EXT2: variants seen among roughly 807,000 people sequenced by gnomAD.
EXT2 encodes the protein exostosin-2.
Under a neutral mutation model 81.6 loss-of-function variants are expected in EXT2, and 53 were observed. That is an observed-to-expected ratio of 0.65 (90% CI 0.52 to 0.82). The LOEUF is 0.82. EXT2 is among the 40% of genes least tolerant of loss of function. The probability of loss-of-function intolerance (pLI) is 0.00; values close to 1 mark genes in which losing one functional copy is unlikely to be tolerated. For synonymous variants in EXT2, 320 were observed against 340.0 expected, an observed-to-expected ratio of 0.94 and a Z score of 0.65; for missense variants, 774 against 910.2, an observed-to-expected ratio of 0.85 and a Z score of 1.93.
intron 13 of EXT2, among the ~76,000 whole-genome samples, chr11:44,236,775 G>T (rs1955970263): frequency 6.6e-6 from 1 of 152,248 alleles, no homozygotes; most frequent in African/African-American, 2.4e-5. Flanking sequence ...ACCCACCAGA[G>T]ACAAATTACC....
chr11:44,179,852 T>C (rs913758121), intron 8 of EXT2, among the ~76,000 whole-genome samples: 3 of 152,178 alleles, frequency 2.0e-5, no homozygotes, highest in Non-Finnish European at 4.4e-5. Context: ...TCTTGACTTT[T>C]GTGTCTCCCA....
rs936395994 is a variant in EXT2 at position 44,208,279 on chromosome 11, A to C, written c.1662+1320A>C. Among the ~76,000 whole-genome samples, 5 of 151,840 alleles carry C rather than the reference A, an allele frequency of 3.3e-5. No individual in the cohort carries two copies. In the South Asian group the frequency reaches 8.3e-4, roughly 25 times the overall value. On this transcript the variant is annotated intron_variant, in intron 10 of 13. Coordinates refer to ENST00000533608, the MANE Select transcript of EXT2 (RefSeq NM_207122.2). ...CTACCCATGTGTTTATTTTTGTGGC[A>C]AAAGAGAGGTGGAAAAAAGGAATGT...
intron 4 of EXT2, among the ~76,000 whole-genome samples, chr11:44,115,414 T>TGAG (rs1212621534): frequency 5.9e-5 from 9 of 152,124 alleles, no homozygotes; most frequent in Non-Finnish European, 1.2e-4. Context: ...TTTTAGTATG[T>TGAG]GAGGGAGTAA....
intron 10 of EXT2, among the ~76,000 whole-genome samples, chr11:44,231,408 G>A (rs11037908): frequency 0.12 from 18,578 of 152,204 alleles, 1,324 homozygotes; most frequent in South Asian, 0.19. Context: ...GGACGTGTTA[G>A]GTTTGTTTAT....
intron 10 of EXT2, among the ~76,000 whole-genome samples, chr11:44,228,947 G>A (rs1955867569): frequency 7.0e-6 from 1 of 143,260 alleles, no homozygotes; most frequent in African/African-American, 2.5e-5. Context: ...AGAGAGCTGT[G>A]TTGACTCAAA....
intron 1 of EXT2, chr11:44,096,163 C>A: frequency 7.8e-7 from 1 of 1,288,598 alleles, no homozygotes; most frequent in Admixed American, 2.0e-5. Context: ...TCCTTTCCTC[C>A]TGCGACCCGC....
In EXT2 at chr11:44,108,189, G is replaced by A. The variant is rs1954089514; in HGVS notation, c.477G>A (p.Val159=). Residue 159 remains valine (V), a synonymous_variant, in exon 2 of 14, where the codon GTG becomes GTA. Transcript: ENST00000533608. ...RACLFVPSID[V]LNQNTLRIKE... is the part of the protein sequence containing the mutation. ...GTCTGTTTGTTCCCTCCATCGATGT[G>A]CTTAACCAGAACACACTGCGCATCA... is the stretch of plus-strand genomic sequence containing the variant. The A allele has an allele frequency of 6.2e-7, 1 of 1,613,674 alleles. No individual in the cohort carries two copies. The highest frequency in any genetic ancestry group is 8.5e-7 in the Non-Finnish European group (1 of 1,180,036).
At chr11:44,101,839 G>A (rs1953986803) in intron 1 of EXT2, among the ~76,000 whole-genome samples, 1 of 151,990 alleles carries the variant, frequency 6.6e-6, no homozygotes, top group Non-Finnish European at 1.5e-5. Flanking sequence ...TGGGCAGCAA[G>A]GCTGGACTCA....
intron 1 of EXT2, among the ~76,000 whole-genome samples, chr11:44,096,702 A>G (rs1026280176): frequency 2.0e-5 from 3 of 152,202 alleles, no homozygotes; most frequent in African/African-American, 4.8e-5. Context: ...GCTTTGTTAC[A>G]TTCGGTGGGA....
At chr11:44,170,259 T>C (rs1481705886) in intron 7 of EXT2, among the ~76,000 whole-genome samples, 1 of 151,988 alleles carries the variant, frequency 6.6e-6, no homozygotes. Flanking sequence ...ACAAAGGAAA[T>C]TAGAACATTG....
chr11:44,144,952 G>A (rs1280293467), intron 7 of EXT2, among the ~76,000 whole-genome samples: 1 of 152,138 alleles, frequency 6.6e-6, no homozygotes. Context: ...TGGTGTAGTG[G>A]AAGTGTCATG....
At chr11:44,154,393 G>A (rs1172615786) in intron 7 of EXT2, among the ~76,000 whole-genome samples, 1 of 151,944 alleles carries the variant, frequency 6.6e-6, no homozygotes, top group Admixed American at 6.6e-5. Context: ...ACATGCCAAA[G>A]TTGTCTTTCT....
intron 7 of EXT2, among the ~76,000 whole-genome samples, chr11:44,165,079 C>T (rs1398749657): frequency 6.6e-6 from 1 of 151,922 alleles, no homozygotes; most frequent in Non-Finnish European, 1.5e-5. Flanking sequence ...GGGGTTTCAC[C>T]GTTTTAGCCG....
chr11:44,168,337 T>C (rs1320378293), intron 7 of EXT2, among the ~76,000 whole-genome samples: 2 of 152,170 alleles, frequency 1.3e-5, no homozygotes, highest in Admixed American at 6.5e-5. Flanking sequence ...GAATAAGAGA[T>C]ACATGAGATA....
chr11:44,174,589 A>G (rs952073746), intron 8 of EXT2, among the ~76,000 whole-genome samples: 2 of 151,884 alleles, frequency 1.3e-5, no homozygotes, highest in African/African-American at 2.4e-5. Flanking sequence ...TAATTTTGCA[A>G]CTATTCTGTT....
At chr11:44,169,012 G>C (rs1341457111) in intron 7 of EXT2, among the ~76,000 whole-genome samples, 1 of 152,082 alleles carries the variant, frequency 6.6e-6, no homozygotes. Context: ...ACAAGATCAG[G>C]AGTTTGAGAC....
chr11:44,173,152 C>T (rs1013311976), intron 8 of EXT2, among the ~76,000 whole-genome samples: 8 of 152,122 alleles, frequency 5.3e-5, no homozygotes, highest in Admixed American at 5.2e-4. Context: ...GTACTGAGTG[C>T]TGTGGATGCA....
intron 9 of EXT2, among the ~76,000 whole-genome samples, chr11:44,206,480 A>T (rs978912099): frequency 6.6e-6 from 1 of 151,680 alleles, no homozygotes; most frequent in Non-Finnish European, 1.5e-5. Context: ...TTGTGAATTG[A>T]AGCCAATTTG....
chr11:44,180,939 A>T (rs1955226432), intron 8 of EXT2, among the ~76,000 whole-genome samples: 1 of 152,048 alleles, frequency 6.6e-6, no homozygotes, highest in East Asian at 1.9e-4. Context: ...CCATCTCTAC[A>T]AAAATACAAA....
Sources: allele counts gnomAD v4.1 joint callset (sites outside exome capture counted in the v4.1 genomes callset), GRCh38; gene constraint gnomAD v4.1.1; transcripts MANE v1.5; gene names NCBI Gene and HGNC (gene_info 2026-07-23, HGNC 2026-07-21).